The following TENM2 variants were observed in gnomAD, a reference collection of about 807,000 sequenced individuals.
TENM2 encodes teneurin transmembrane protein 2.
TENM2 carries 52 observed loss-of-function variants against 245.2 expected under a neutral mutation model. The ratio of observed to expected loss-of-function variants is 0.21; its 90% CI spans 0.17 to 0.27. The LOEUF (loss-of-function observed/expected upper bound fraction) is 0.27. Ranked by LOEUF, TENM2 falls within the 10% of genes least tolerant of loss-of-function variation. The pLI, the probability that TENM2 is intolerant of heterozygous loss-of-function variation, is 1.00. For missense variants in TENM2, 3,046 were observed against 3,666.8 expected, an observed-to-expected ratio of 0.83 and a Z score of 4.37; for synonymous variants, 1,363 against 1,438.9, an observed-to-expected ratio of 0.95 and a Z score of 1.19.
chr5:167,577,615 G>T (rs968271600), intron 2 of TENM2, among the ~76,000 whole-genome samples: 1 of 151,922 alleles, frequency 6.6e-6, no homozygotes, highest in Admixed American at 6.6e-5. Context: ...ACCCATAGTG[G>T]TTTTTTTCTT....
the TENM2 span, among the ~76,000 whole-genome samples, chr5:167,190,884 T>G: frequency 6.6e-6 from 1 of 152,248 alleles, no homozygotes; most frequent in African/African-American, 2.4e-5. Flanking sequence ...TTGTATGAAC[T>G]TATTAATCAT....
chr5:167,172,208 A>T, the TENM2 span, among the ~76,000 whole-genome samples: 1 of 152,196 alleles, frequency 6.6e-6, no homozygotes, highest in Non-Finnish European at 1.5e-5. Context: ...GGTCCAAAAT[A>T]GACCATTTGG....
chr5:167,446,407 G>T (rs1257501401), intron 2 of TENM2, among the ~76,000 whole-genome samples: 1 of 152,068 alleles, frequency 6.6e-6, no homozygotes, highest in Non-Finnish European at 1.5e-5. Flanking sequence ...TTCTCTGTTT[G>T]GCATTGATTA....
At chr5:167,665,276 C>A (rs1755495473) in intron 2 of TENM2, among the ~76,000 whole-genome samples, 1 of 152,060 alleles carries the variant, frequency 6.6e-6, no homozygotes, top group Non-Finnish European at 1.5e-5. Flanking sequence ...ATACAGTAAA[C>A]AAATGAAAGT....
intron 2 of TENM2, among the ~76,000 whole-genome samples, chr5:167,628,179 T>G (rs1288223158): frequency 6.6e-6 from 1 of 152,200 alleles, no homozygotes; most frequent in South Asian, 2.1e-4. Context: ...CTCCTGGCAC[T>G]GTATTCAGGT....
chr5:167,350,792 GAT>G (rs746226912), intron 1 of TENM2, among the ~76,000 whole-genome samples: 4 of 59,924 alleles, frequency 6.7e-5, no homozygotes, highest in African/African-American at 2.2e-4. Flanking sequence ...TATACATATG[GAT>G]ATATATATGG....
At chr5:167,810,668 G>T (rs1476983429) in intron 2 of TENM2, among the ~76,000 whole-genome samples, 1 of 151,960 alleles carries the variant, frequency 6.6e-6, no homozygotes, top group Admixed American at 6.6e-5. Context: ...GCTGACTTGT[G>T]CCCTAAGAAA....
chr5:167,013,118 G>T, the TENM2 span, among the ~76,000 whole-genome samples: 1 of 152,108 alleles, frequency 6.6e-6, no homozygotes, highest in Non-Finnish European at 1.5e-5. Flanking sequence ...TTTGAGGGAA[G>T]ATATCATTGT....
chr5:167,945,020 A>G (rs1425456568), intron 3 of TENM2, among the ~76,000 whole-genome samples: 1 of 152,222 alleles, frequency 6.6e-6, no homozygotes, highest in Non-Finnish European at 1.5e-5. Flanking sequence ...GGCATCATTG[A>G]TTCCAGCAAT....
intron 2 of TENM2, among the ~76,000 whole-genome samples, chr5:167,560,210 C>G (rs1431925680): frequency 1.3e-5 from 2 of 152,154 alleles, no homozygotes; most frequent in African/African-American, 4.8e-5. Flanking sequence ...ATTTTAACAC[C>G]ACCCCAGGTG....
chr5:167,662,410 G>A (rs959839942), intron 2 of TENM2, among the ~76,000 whole-genome samples: 4 of 152,114 alleles, frequency 2.6e-5, no homozygotes, highest in Admixed American at 6.5e-5. Context: ...CAAAAGTGGC[G>A]TGGTTTGCTT....
chr5:167,078,684 T>C, the TENM2 span, among the ~76,000 whole-genome samples: 3 of 152,158 alleles, frequency 2.0e-5, no homozygotes, highest in Admixed American at 2.0e-4. Context: ...CAAATAGAGT[T>C]AGGAAATGGC....
At chr5:168,182,358 A>G (rs893689185) in intron 13 of TENM2, among the ~76,000 whole-genome samples, 2 of 152,176 alleles carry the variant, frequency 1.3e-5, no homozygotes, top group Admixed American at 6.5e-5. Flanking sequence ...ACCTTCATGT[A>G]TTGAGCTTTG....
At chr5:167,871,951 A>G (rs1029018688) in intron 2 of TENM2, among the ~76,000 whole-genome samples, 3 of 152,018 alleles carry the variant, frequency 2.0e-5, no homozygotes, top group Non-Finnish European at 2.9e-5. Context: ...GTCAGGGGGG[A>G]AAATGTAGCA....
intron 2 of TENM2, among the ~76,000 whole-genome samples, chr5:167,390,633 A>T (rs1761692981): frequency 6.6e-6 from 1 of 152,186 alleles, no homozygotes; most frequent in African/African-American, 2.4e-5. Context: ...TACTATTATA[A>T]TAAGCATATG....
the TENM2 span, among the ~76,000 whole-genome samples, chr5:167,057,053 C>T: frequency 5.1e-4 from 78 of 151,774 alleles, no homozygotes; most frequent in Non-Finnish European, 9.7e-4. Context: ...TTTCAGTTTT[C>T]GAAATTTCTA....
the TENM2 span, among the ~76,000 whole-genome samples, chr5:167,179,672 T>A: frequency 6.6e-6 from 1 of 152,154 alleles, no homozygotes; most frequent in Non-Finnish European, 1.5e-5. Context: ...TCATTAGGAA[T>A]GTCTTCATGG....
At chr5:167,408,196 C>A (rs1363320752) in intron 2 of TENM2, among the ~76,000 whole-genome samples, 1 of 152,070 alleles carries the variant, frequency 6.6e-6, no homozygotes, top group Non-Finnish European at 1.5e-5. Flanking sequence ...TCCACCTCTG[C>A]CAAAGTATGA....
upstream of TENM2, among the ~76,000 whole-genome samples, chr5:167,283,105 C>T (rs533041357): frequency 6.6e-6 from 1 of 151,842 alleles, no homozygotes; most frequent in South Asian, 2.1e-4. Context: ...AGTGCAATGG[C>T]AGATCTCAGC....
Sources: allele counts gnomAD v4.1 joint callset (sites outside exome capture counted in the v4.1 genomes callset), GRCh38; gene constraint gnomAD v4.1.1; transcripts MANE v1.5; gene names NCBI Gene and HGNC (gene_info 2026-07-23, HGNC 2026-07-21).